Variants in RAB11FIP1 observed in about 807,000 individuals in gnomAD.
RAB11FIP1 encodes the protein rab11 family-interacting protein 1.
Under a neutral mutation model 83.1 loss-of-function variants are expected in RAB11FIP1, and 49 were observed. The observed-to-expected ratio is 0.59, with a 90% CI of 0.47 to 0.75. RAB11FIP1 has a LOEUF of 0.75. Among genes scored for constraint, RAB11FIP1 ranks in the 30% least tolerant of loss-of-function variants. The pLI is 0.00. For missense variants in RAB11FIP1, 1,536 were observed against 1,598.7 expected (o/e 0.96, Z 0.67); for synonymous variants, 670 against 656.0 (o/e 1.02, Z -0.33).
At chr8:37,866,754 CCT>C (rs1445375586) in intron 5 of RAB11FIP1, among the ~76,000 whole-genome samples, 7 of 152,032 alleles carry the variant, frequency 4.6e-5, no homozygotes, top group Non-Finnish European at 8.8e-5. Context: ...TTCCCTTAAA[CCT>C]CTCTTACTTT....
At chr8:37,869,039 G>A (rs1349854601) in intron 5 of RAB11FIP1, among the ~76,000 whole-genome samples, 1 of 151,852 alleles carries the variant, frequency 6.6e-6, no homozygotes, top group Non-Finnish European at 1.5e-5. Flanking sequence ...ACCAGCCTGA[G>A]CAACATGATG....
At position 37,871,269 on chromosome 8, in the gene RAB11FIP1, A is replaced by G; in HGVS notation, c.3524+9T>C. 1.9e-6 allele frequency: 3 copies of G among 1,592,366 alleles called. No individual in the cohort carries two copies. Among genetic ancestry groups the G allele is most frequent in the Non-Finnish European group, 2.6e-6 (3 of 1,171,720 alleles). On this transcript the variant is annotated intron_variant, in intron 4 of 5. Coordinates refer to ENST00000330843, the MANE Select transcript of RAB11FIP1 (RefSeq NM_001002814.3). ...CACATTTACATAGACAATCTCCCCC[A>G]TCTCTCACCTGTGCTTGGCTGACCC... is the stretch of plus-strand genomic sequence containing the variant.
intron 1 of RAB11FIP1, among the ~76,000 whole-genome samples, chr8:37,880,446 A>G (rs1311027297): frequency 6.6e-6 from 1 of 151,994 alleles, no homozygotes; most frequent in Non-Finnish European, 1.5e-5. Flanking sequence ...CTACAGGTAT[A>G]TGCCACAATG....
chr8:37,892,427 ATT>A (rs1806966291), intron 1 of RAB11FIP1, among the ~76,000 whole-genome samples: 1 of 63,244 alleles, frequency 1.6e-5, no homozygotes, highest in Non-Finnish European at 3.4e-5. Flanking sequence ...TTTTATTTAT[ATT>A]TATTTATTTA....
rs1464549632 is a variant in RAB11FIP1, at chr8:37,872,705, T to C, written c.2097A>G (p.Thr699=). The C allele has an allele frequency of 6.2e-7, 1 of 1,614,102 alleles. No individual in the cohort carries two copies. The highest frequency in any genetic ancestry group is 2.2e-5 in the East Asian group (1 of 44,892). The change falls in exon 4 of 6, where the codon ACA becomes ACG. Residue 699 remains threonine, a synonymous_variant. Transcript: ENST00000330843. Reference sequence around the variant, plus strand: ...TCGGAAGTTCTTCCTCTTGTCGCCCTGTTTCAGGCTGCTCTGGGAGAGACT... The same window carrying C: ...TCGGAAGTTCTTCCTCTTGTCGCCCCGTTTCAGGCTGCTCTGGGAGAGACT... The part of the protein sequence containing the change: ...LEESLPEQPE[T]GRQEEELPRF...
rs149004605 is a variant in RAB11FIP1, at chr8:37,877,176, A to T, written c.747T>A (p.Arg249=). 877 of 1,614,170 alleles carry T rather than the reference A, an allele frequency of 5.4e-4. 4 individuals carry two copies. In the African/African-American group the frequency reaches 0.01, roughly 19 times the overall value. ...CCCACTGGGACTGAAAGTCTCCGGG[A>T]CGAAGCAGCACTTTTTCTGGCTTTG... ...PTSKPEKVLL[R]PGDFQSQWDE... The change falls in exon 2 of 6, where the codon CGT becomes CGA. Residue 249 remains arginine (R), a synonymous_variant. Coordinates refer to ENST00000330843, the MANE Select transcript of RAB11FIP1 (RefSeq NM_001002814.3).
At chr8:37,885,202 C>T (rs1375460587) in intron 1 of RAB11FIP1, among the ~76,000 whole-genome samples, 1 of 152,006 alleles carries the variant, frequency 6.6e-6, no homozygotes, top group Non-Finnish European at 1.5e-5. Flanking sequence ...ACCGTGATGG[C>T]CAGGCCGGTC....
Position 37,861,548 on chromosome 8 carries a change from T to A in RAB11FIP1, c.*1347A>T, listed in dbSNP as rs1423164762. The A allele has an allele frequency of 2.3e-6, 1 of 442,424 alleles. No individual in the cohort carries two copies. The highest frequency in any genetic ancestry group is 4.5e-6 in the Non-Finnish European group (1 of 223,636). The allele number at this position is 442,424 out of a possible 1,614,324, so 27.4% of individuals were successfully genotyped here. ...CCCTGTAGAGTGAAGGGGCTTCTTT[T>A]TTTCTTTTTAGTTTTTTTTAAGACA... On this transcript the variant is annotated 3_prime_UTR_variant, in exon 6 of 6. Transcript: ENST00000330843.
Position 37,867,422 on chromosome 8 carries a change from G to T in RAB11FIP1, c.3633+2998C>A, listed in dbSNP as rs73673898. Among the ~76,000 whole-genome samples, 1,151 of 152,226 alleles carry T rather than the reference G, an allele frequency of 7.6e-3. 16 individuals carry two copies. The highest frequency in any genetic ancestry group is 0.026 in the African/African-American group (1,099 of 41,572). ...AATGTGTCCTACAAAGAAAGAGTGG[G>T]GTCCGGGCGCAGTGGCTCACACCTG... On this transcript the variant is annotated intron_variant, in intron 5 of 5. Coordinates refer to ENST00000330843, the MANE Select transcript of RAB11FIP1 (RefSeq NM_001002814.3).
Position 37,899,250 on chromosome 8 carries a change from G to T in RAB11FIP1, c.192C>A (p.Pro64=). ...TSVSERSLGA[P]VWREEATFEL... ...CGAAGGTGGCCTCCTCGCGCCACAC[G>T]GGCGCGCCCAGGCTGCGCTCCGACA... Residue 64 remains proline, a synonymous_variant, in exon 1 of 6, where the codon CCC becomes CCA. Transcript: ENST00000330843. This position sits in a 1 kb window ranked among gnomAD's most constrained non-coding sequence, Gnocchi z 4.5. 1 of 1,601,036 alleles carries T rather than the reference G, an allele frequency of 6.2e-7. No individual in the cohort carries two copies. Among genetic ancestry groups the T allele is most frequent in the Non-Finnish European group, 8.5e-7 (1 of 1,176,548 alleles).
chr8:37,893,528 A>C (rs533739011), intron 1 of RAB11FIP1, among the ~76,000 whole-genome samples: 9 of 152,286 alleles, frequency 5.9e-5, no homozygotes, highest in African/African-American at 2.2e-4. Flanking sequence ...GCACACCTGT[A>C]ATCCCAGCAC....
Position 37,877,338 on chromosome 8 carries a change from G to T in RAB11FIP1, c.585C>A (p.Ser195Arg). ...CATCACTGTCGACCGAAGGTGTCGT[G>T]CTAGGGATGATGGCGGAGGCGGTGT... ...GSDTASAIIP[S>R]TTPSVDSDDE... Residue 195 changes from serine (S) to arginine (R), a missense_variant, in exon 2 of 6, where the codon AGC becomes AGA. Physicochemically the swap from Ser to Arg is moderately radical, Grantham distance 110. Transcript: ENST00000330843. 1 of 1,614,152 alleles carries T rather than the reference G, an allele frequency of 6.2e-7. No homozygotes were observed. The highest frequency in any genetic ancestry group is 8.5e-7 in the Non-Finnish European group (1 of 1,180,002).
chr8:37,871,165 A>G, intron 4 of RAB11FIP1, 113 bp downstream of exon 4: 1 of 1,392,950 alleles, frequency 7.2e-7, no homozygotes, highest in Non-Finnish European at 9.6e-7. Context: ...GGACAGTGAC[A>G]GGTGGGTTGT....
chr8:37,896,318 A>G (rs1807090320), intron 1 of RAB11FIP1, among the ~76,000 whole-genome samples: 1 of 152,046 alleles, frequency 6.6e-6, no homozygotes, highest in Non-Finnish European at 1.5e-5. Context: ...TCAAAAAAAA[A>G]AAAAATTCCA....
At chr8:37,891,135 T>A (rs764878655) in intron 1 of RAB11FIP1, among the ~76,000 whole-genome samples, 2 of 152,180 alleles carry the variant, frequency 1.3e-5, no homozygotes, top group Non-Finnish European at 2.9e-5. Flanking sequence ...GGACATCTTA[T>A]GGAGAGCAAA....
intron 1 of RAB11FIP1, among the ~76,000 whole-genome samples, chr8:37,885,281 C>T (rs1050580880): frequency 6.6e-6 from 1 of 152,172 alleles, no homozygotes; most frequent in African/African-American, 2.4e-5. Flanking sequence ...AGGTGTGAGC[C>T]AGAAGGCCCG....
chr8:37,894,102 T>G (rs1449677884), intron 1 of RAB11FIP1, among the ~76,000 whole-genome samples: 1 of 151,916 alleles, frequency 6.6e-6, no homozygotes. Flanking sequence ...CCTGGGGAGG[T>G]TTCCAGTAAG....
In RAB11FIP1 at chr8:37,862,914, T is replaced by C. The variant is rs749497740; in HGVS notation, c.3833A>G (p.Lys1278Arg). Reference protein sequence around the residue: ...NILRIPTQVGKKAGKM With the variant: ...NILRIPTQVGRKAGKM ...GCTGATTTACATCTTTCCTGCTTTT[T>C]TGCCAACCTGAGTCGGGATGCGGAG... The change falls in exon 6 of 6, where the codon AAA becomes AGA. Residue 1278 changes from lysine (K) to arginine (R), a missense_variant. Lys to Arg is a conservative substitution (Grantham distance 26). Transcript: ENST00000330843. 5.6e-6 allele frequency: 9 copies of C among 1,610,798 alleles called. No individual in the cohort carries two copies. In the South Asian group the frequency reaches 9.9e-5, roughly 18 times the overall value.
rs185528522 is a variant in RAB11FIP1 at position 37,873,330 on chromosome 8, C to T, written c.1623-151G>A. The T allele has an allele frequency of 2.1e-4, 180 of 837,878 alleles. 1 individual carries two copies. The highest frequency in any genetic ancestry group is 1.9e-3 in the African/African-American group (113 of 58,170). The allele number at this position is 837,878 out of a possible 1,614,324, so 51.9% of individuals were successfully genotyped here. ...AGTTAAAAAAGGAACGCTAGCCGGG[C>T]GCGGTGGCTCACGCCTGTAATCCCA... On this transcript the variant is annotated intron_variant, in intron 3 of 5. Transcript: ENST00000330843.
Sources: allele counts gnomAD v4.1 joint callset (sites outside exome capture counted in the v4.1 genomes callset), GRCh38; gene constraint gnomAD v4.1.1; non-coding constraint Gnocchi (gnomAD v3.1); transcripts MANE v1.5; gene names NCBI Gene and HGNC (gene_info 2026-07-23, HGNC 2026-07-21).